Variants in KCNIP2 observed in about 807,000 individuals in gnomAD.
The protein encoded by KCNIP2 is potassium voltage-gated channel interacting protein 2.
A neutral mutation model predicts 39.0 loss-of-function variants in KCNIP2; 19 were observed. The ratio of observed to expected loss-of-function variants is 0.49; its 90% confidence interval spans 0.34 to 0.71. The LOEUF is 0.71. Among genes scored for constraint, KCNIP2 ranks in the 30% least tolerant of loss-of-function variants. The pLI is 0.01. For synonymous variants in KCNIP2, 111 were observed against 131.2 expected (o/e 0.85, Z 1.05); for missense variants, 261 against 346.0 (o/e 0.75, Z 1.95).
chr10:101,839,872 A>C, intron 1 of KCNIP2: 1 of 1,558,998 alleles, frequency 6.4e-7, no homozygotes. Context: ...TCTAAGCTCC[A>C]CCCCCAGGCC....
rs1397984216 is a variant in KCNIP2 at position 101,829,074 on chromosome 10, C to T, written c.348+1G>A. 2 of 1,613,570 alleles carry T rather than the reference C, an allele frequency of 1.2e-6. No homozygotes were observed. The highest frequency in any genetic ancestry group is 1.1e-5 in the South Asian group (1 of 91,012). On this transcript the variant is annotated splice_donor_variant, in intron 4 of 9. Coordinates refer to ENST00000356640, the MANE Select transcript of KCNIP2 (RefSeq NM_173191.3). LOFTEE classifies it high-confidence loss of function. ...TGAGTTTGGCCTCGCCTTGCACTCA[C>T]GTTCTTGAAGCCCCGGTACAGGACC...
intron 1 of KCNIP2, among the ~76,000 whole-genome samples, chr10:101,832,508 C>G (rs921224987): frequency 6.6e-6 from 1 of 152,134 alleles, no homozygotes; most frequent in African/African-American, 2.4e-5. Context: ...GCTTCACCCT[C>G]CAGATCAGGC....
At chr10:101,839,549 C>T (rs1365107552) in intron 1 of KCNIP2, among the ~76,000 whole-genome samples, 3 of 152,104 alleles carry the variant, frequency 2.0e-5, no homozygotes, top group African/African-American at 7.2e-5. Context: ...CTTTGAAGAG[C>T]GCTGTCTTCC....
intron 2 of KCNIP2, 106 bp downstream of exon 2, chr10:101,830,966 G>A (rs2065970640): frequency 9.8e-7 from 1 of 1,015,252 alleles, no homozygotes. Flanking sequence ...TGCAGGCCTG[G>A]AGCATGCGCA....
At chr10:101,831,273 G>C (rs2065983653) in intron 1 of KCNIP2, 106 bp from the exon 2 acceptor site, 14 of 879,560 alleles carry the variant, frequency 1.6e-5, no homozygotes, top group Non-Finnish European at 2.3e-5. Context: ...GGACCGGGCT[G>C]GGGGAGGAAT....
chr10:101,828,783 G>A lies in KCNIP2; in HGVS notation c.349-87C>T, dbSNP rs1564661697. On this transcript the variant is annotated intron_variant, in intron 4 of 9. Coordinates refer to ENST00000356640, the MANE Select transcript of KCNIP2 (RefSeq NM_173191.3). The surrounding 1 kb of genome is among the most constrained non-coding windows in gnomAD (Gnocchi z 6.6). The stretch of plus-strand genomic sequence containing the variant: ...ACCCTCCATGGCCCAAGACTCCCAG[G>A]GAGGGGGATAATCTTCAAGCCTCCA... The A allele has an allele frequency of 3.1e-6, 5 of 1,610,108 alleles. No individual in the cohort carries two copies. The highest frequency in any genetic ancestry group is 3.4e-6 in the Non-Finnish European group (4 of 1,178,062).
In KCNIP2 at chr10:101,828,165, AG is replaced by A; in HGVS notation, c.582del (p.Cys195AlafsTer11). On this transcript the variant is annotated frameshift_variant, in exon 7 of 10. Coordinates refer to ENST00000356640, the MANE Select transcript of KCNIP2 (RefSeq NM_173191.3). LOFTEE classifies it high-confidence loss of function. The surrounding 1 kb of genome is among the most constrained non-coding windows in gnomAD (Gnocchi z 6.6). Reference sequence around the variant, plus strand: ...TTGCCCTGCACCTCCTTGGTGATGCAGCCGTCCTTGTTAAGGTCATACAGGT... The same window carrying A: ...TTGCCCTGCACCTCCTTGGTGATGCACCGTCCTTGTTAAGGTCATACAGGT... ...AFNLYDLNKDGCITKEEMLDI... is the reference protein window; with the variant it reads ...AFNLYDLNKDXCITKEEMLDI... 1 of 1,613,996 alleles carries A rather than the reference AG, an allele frequency of 6.2e-7. No homozygotes were observed. The highest frequency in any genetic ancestry group is 8.5e-7 in the Non-Finnish European group (1 of 1,179,946).
rs1292313620 is a variant in KCNIP2, at chr10:101,838,404, A to G, written c.73+5092T>C. Among the ~76,000 whole-genome samples the G allele has an allele frequency of 6.6e-6, 1 of 151,758 alleles. No individual in the cohort carries two copies. The highest frequency in any genetic ancestry group is 2.4e-5 in the African/African-American group (1 of 41,266). ...TCTATGCAACTGTCCCACCTTCCCC[A>G]GTTTAGCTTTGTCCCACCCCCCACC... On this transcript the variant is annotated intron_variant, in intron 1 of 9. Transcript: ENST00000356640. The surrounding 1 kb of genome is among the most constrained non-coding windows in gnomAD (Gnocchi z 4.0).
At chr10:101,834,933 G>A (rs2066106439) in intron 1 of KCNIP2, among the ~76,000 whole-genome samples, 1 of 152,212 alleles carries the variant, frequency 6.6e-6, no homozygotes, top group Non-Finnish European at 1.5e-5. Context: ...GTGCTTACAC[G>A]TGACTGTGCA....
At position 101,830,317 on chromosome 10, in the gene KCNIP2, G is replaced by A. The variant is rs568335419; in HGVS notation, c.170-420C>T. On this transcript the variant is annotated intron_variant, in intron 2 of 9. Coordinates refer to ENST00000356640, the MANE Select transcript of KCNIP2 (RefSeq NM_173191.3). ...CCCTGGCGTCTGGAGGAGGGCAGGC[G>A]CCATCCTCTACACCTGTCACCATCC... The A allele has an allele frequency of 2.5e-5, 26 of 1,032,842 alleles. No individual in the cohort carries two copies. The Admixed American group carries it at 8.3e-4, about 33-fold the overall frequency. The allele number at this position is 1,032,842 out of a possible 1,614,324, so 64.0% of individuals were successfully genotyped here. A position where few individuals can be genotyped will look rare whatever the true frequency, so the allele number is the denominator to read the frequency against.
chr10:101,829,036 G>A (rs775200761), intron 4 of KCNIP2, 39 bp downstream of exon 4: 2 of 1,601,888 alleles, frequency 1.2e-6, no homozygotes, highest in South Asian at 2.2e-5. Flanking sequence ...GGGTCCTCCT[G>A]TCCCACCCTC....
chr10:101,832,936 G>A (rs1190005950), intron 1 of KCNIP2, among the ~76,000 whole-genome samples: 3 of 152,200 alleles, frequency 2.0e-5, no homozygotes, highest in South Asian at 4.1e-4. Context: ...CAGATTGAAT[G>A]AGAACAAGCT....
chr10:101,840,058 G>GGA (rs775810929), intron 1 of KCNIP2, among the ~76,000 whole-genome samples: 3 of 3,580 alleles, frequency 8.4e-4, no homozygotes, highest in Admixed American at 5.4e-3. Flanking sequence ...GTTCCTGGAC[G>GGA]GGGGGGGGGG....
intron 8 of KCNIP2, 36 bp downstream of exon 8, chr10:101,827,853 A>G (rs1589853745): frequency 1.3e-6 from 2 of 1,571,480 alleles, no homozygotes; most frequent in East Asian, 4.5e-5. Context: ...TCTTCCCTTC[A>G]CTCCAGGGCC....
chr10:101,841,777 G>A (rs1219593046), intron 1 of KCNIP2, among the ~76,000 whole-genome samples: 3 of 152,212 alleles, frequency 2.0e-5, no homozygotes, highest in Admixed American at 6.5e-5. Flanking sequence ...AGCCAAGTGG[G>A]GAAGGGATGG....
chr10:101,839,946 C>A, intron 1 of KCNIP2: 1 of 1,099,952 alleles, frequency 9.1e-7, no homozygotes, highest in Non-Finnish European at 1.3e-6. Flanking sequence ...GGAGGGCCGG[C>A]CCGGCAGGCA....
chr10:101,833,946 A>AC (rs1273401298), intron 1 of KCNIP2, among the ~76,000 whole-genome samples: 2 of 150,420 alleles, frequency 1.3e-5, no homozygotes, highest in Non-Finnish European at 1.5e-5. Context: ...CTATCTCCAG[A>AC]CCCCTCCTGG....
Position 101,828,090 on chromosome 10 carries a change from C to G in KCNIP2, c.597+61G>C. The stretch of plus-strand genomic sequence containing the variant: ...TATGTGGGTCATATTTCCCTCCCAT[C>G]ACCCTCTGCACGCCACCCCCATCAC... On this transcript the variant is annotated intron_variant, in intron 7 of 9. Transcript: ENST00000356640. This position sits in a 1 kb window ranked among gnomAD's most constrained non-coding sequence, Gnocchi z 6.6. 1 of 1,552,808 alleles carries G rather than the reference C, an allele frequency of 6.4e-7. No individual in the cohort carries two copies. Among genetic ancestry groups the G allele is most frequent in the Non-Finnish European group, 8.9e-7 (1 of 1,124,460 alleles).
At position 101,828,175 on chromosome 10, in the gene KCNIP2, G is replaced by A. The variant is rs1463995819; in HGVS notation, c.573C>T (p.Asn191=). Residue 191 remains asparagine, a synonymous_variant, in exon 7 of 10, where the codon AAC becomes AAT. Coordinates refer to ENST00000356640, the MANE Select transcript of KCNIP2 (RefSeq NM_173191.3). This position sits in a 1 kb window ranked among gnomAD's most constrained non-coding sequence, Gnocchi z 6.6. The part of the protein sequence containing the change: ...LNWAFNLYDL[N]KDGCITKEEM... The stretch of plus-strand genomic sequence containing the variant: ...CCTCCTTGGTGATGCAGCCGTCCTT[G>A]TTAAGGTCATACAGGTTGAAGGCCC... 1.2e-6 allele frequency: 2 copies of A among 1,613,970 alleles called. No homozygotes were observed. Among genetic ancestry groups the A allele is most frequent in the Non-Finnish European group, 1.7e-6 (2 of 1,179,966 alleles).
Sources: allele counts gnomAD v4.1 joint callset (sites outside exome capture counted in the v4.1 genomes callset), GRCh38; gene constraint gnomAD v4.1.1; non-coding constraint Gnocchi (gnomAD v3.1); transcripts MANE v1.5; gene names NCBI Gene and HGNC (gene_info 2026-07-23, HGNC 2026-07-21).